Variants in PRKAR2A observed in about 807,000 individuals in gnomAD.
PRKAR2A encodes protein kinase cAMP-dependent type II regulatory subunit alpha.
PRKAR2A carries 29 observed loss-of-function variants against 51.9 expected under a neutral mutation model. The ratio of observed to expected loss-of-function variants is 0.56; its 90% CI spans 0.42 to 0.76. The LOEUF is 0.76. Among genes scored for constraint, PRKAR2A ranks in the 30% least tolerant of loss-of-function variants. The pLI is 0.00. For missense variants in PRKAR2A, 445 were observed against 512.1 expected (o/e 0.87, Z 1.26); for synonymous variants, 178 against 186.2 (o/e 0.96, Z 0.36).
intron 1 of PRKAR2A, among the ~76,000 whole-genome samples, chr3:48,844,945 C>T (rs901435877): frequency 6.6e-6 from 1 of 151,720 alleles, no homozygotes; most frequent in Admixed American, 6.6e-5. Flanking sequence ...CTAACCTGCA[C>T]ATTGTGCACA....
chr3:48,783,264 A>G (rs947230531), intron 4 of PRKAR2A, among the ~76,000 whole-genome samples, 172 bp from the exon 5 acceptor site: 8 of 152,196 alleles, frequency 5.3e-5, no homozygotes, highest in Non-Finnish European at 1.2e-4. Context: ...TTGCACCTCC[A>G]TGTACCTCAG....
chr3:48,825,028 CTTTTTTTTTTTTT>C (rs1168503342), intron 1 of PRKAR2A, among the ~76,000 whole-genome samples: 14 of 74,688 alleles, frequency 1.9e-4, no homozygotes, highest in African/African-American at 7.3e-4. Flanking sequence ...ATTTTCTTTT[CTTTTTTTTTTTTT>C]TTTTTTTTTG....
intron 2 of PRKAR2A, among the ~76,000 whole-genome samples, chr3:48,801,555 C>T (rs185061799): frequency 1.3e-5 from 2 of 152,208 alleles, no homozygotes; most frequent in Admixed American, 1.3e-4. Context: ...TCCCAAAGTG[C>T]TCGGATTACA....
intron 6 of PRKAR2A, among the ~76,000 whole-genome samples, chr3:48,765,628 C>T (rs1374077198): frequency 1.4e-4 from 21 of 149,426 alleles, no homozygotes; most frequent in Non-Finnish European, 2.4e-4. Context: ...CATTTATGAG[C>T]TCACTGTCAC....
chr3:48,836,477 A>T (rs199990623), intron 1 of PRKAR2A, among the ~76,000 whole-genome samples: 13 of 15,848 alleles, frequency 8.2e-4, no homozygotes, highest in Non-Finnish European at 3.8e-4. Context: ...TATATATATT[A>T]AAAAAAAAAA....
chr3:48,800,848 T>G (rs2082578352), intron 2 of PRKAR2A, among the ~76,000 whole-genome samples: 1 of 151,846 alleles, frequency 6.6e-6, no homozygotes, highest in Non-Finnish European at 1.5e-5. Context: ...ATTTTTTTTG[T>G]ATTTTTAGTA....
intron 1 of PRKAR2A, among the ~76,000 whole-genome samples, chr3:48,833,450 G>A (rs1296413439): frequency 6.6e-6 from 1 of 152,096 alleles, no homozygotes; most frequent in Non-Finnish European, 1.5e-5. Context: ...GCTCACCCCT[G>A]TAATCCCAGC....
chr3:48,752,517 A>C (rs1041123233), intron 9 of PRKAR2A, among the ~76,000 whole-genome samples, 200 bp from the exon 10 acceptor site: 2 of 152,192 alleles, frequency 1.3e-5, no homozygotes, highest in South Asian at 4.1e-4. Flanking sequence ...TCTGCTTTTT[A>C]CCTAGAGCTC....
intron 4 of PRKAR2A, among the ~76,000 whole-genome samples, chr3:48,787,791 C>G (rs2082319315): frequency 6.6e-6 from 1 of 152,088 alleles, no homozygotes; most frequent in Admixed American, 6.6e-5. Flanking sequence ...AGTTATTAGT[C>G]TGGTTTACAG....
At chr3:48,846,034 T>TGCGTA (rs2083455921) in intron 1 of PRKAR2A, among the ~76,000 whole-genome samples, 1 of 151,996 alleles carries the variant, frequency 6.6e-6, no homozygotes, top group African/African-American at 2.4e-5. Flanking sequence ...CGGTCCTTAT[T>TGCGTA]GCGTACTCTT....
intron 1 of PRKAR2A, among the ~76,000 whole-genome samples, chr3:48,823,152 C>T (rs1314550220): frequency 3.3e-5 from 5 of 151,956 alleles, no homozygotes; most frequent in South Asian, 2.1e-4. Context: ...AGCAATCGCC[C>T]GCCTCAGCCT....
chr3:48,786,844 A>G (rs2107300402), intron 4 of PRKAR2A, among the ~76,000 whole-genome samples: 1 of 152,266 alleles, frequency 6.6e-6, no homozygotes, highest in African/African-American at 2.4e-5. Flanking sequence ...CATTGCTGGC[A>G]ATAAGACATA....
intron 1 of PRKAR2A, among the ~76,000 whole-genome samples, chr3:48,836,187 A>G (rs1270638738): frequency 6.6e-6 from 1 of 151,858 alleles, no homozygotes; most frequent in African/African-American, 2.4e-5. Flanking sequence ...TGGGAGGCCA[A>G]ATCAGGTGCA....
chr3:48,802,122 T>G (rs1314780944), intron 2 of PRKAR2A, among the ~76,000 whole-genome samples: 1 of 152,172 alleles, frequency 6.6e-6, no homozygotes, highest in Non-Finnish European at 1.5e-5. Flanking sequence ...TTGGCCAGGC[T>G]AGTCTCAAAC....
At chr3:48,798,572 C>T (rs932326338) in intron 2 of PRKAR2A, among the ~76,000 whole-genome samples, 1 of 151,314 alleles carries the variant, frequency 6.6e-6, no homozygotes, top group Admixed American at 6.6e-5. Flanking sequence ...TAGAATAATA[C>T]ATTAAAAAAA....
intron 2 of PRKAR2A, among the ~76,000 whole-genome samples, chr3:48,796,265 C>A (rs1045360255): frequency 1.3e-5 from 2 of 152,182 alleles, no homozygotes; most frequent in African/African-American, 4.8e-5. Context: ...TGACTTCTCT[C>A]TGAAGACTGT....
At chr3:48,765,985 C>G (rs1207252211) in intron 6 of PRKAR2A, among the ~76,000 whole-genome samples, 1 of 151,930 alleles carries the variant, frequency 6.6e-6, no homozygotes, top group African/African-American at 2.4e-5. Flanking sequence ...TTTTGGGAGG[C>G]TAAGGTGGGC....
intron 5 of PRKAR2A, among the ~76,000 whole-genome samples, chr3:48,779,599 G>C (rs936711060): frequency 6.6e-6 from 1 of 151,266 alleles, no homozygotes; most frequent in South Asian, 2.1e-4. Context: ...TGGCCAACAC[G>C]GTGAAACCCC....
chr3:48,838,747 G>C (rs1214222338), intron 1 of PRKAR2A, among the ~76,000 whole-genome samples: 1 of 152,074 alleles, frequency 6.6e-6, no homozygotes, highest in African/African-American at 2.4e-5. Flanking sequence ...GGGAGGCCGA[G>C]GCAGGCGGAT....
Sources: allele counts gnomAD v4.1 joint callset (sites outside exome capture counted in the v4.1 genomes callset), GRCh38; gene constraint gnomAD v4.1.1; transcripts MANE v1.5; gene names NCBI Gene and HGNC (gene_info 2026-07-23, HGNC 2026-07-21).